DLG2: variants seen among roughly 807,000 people sequenced by gnomAD.
DLG2 encodes the protein discs large MAGUK scaffold protein 2.
A neutral mutation model predicts 132.5 loss-of-function variants in DLG2; 45 were observed. The observed-to-expected ratio is 0.34, with a 90% CI of 0.27 to 0.44. The LOEUF (loss-of-function observed/expected upper bound fraction) is 0.44, where lower values mean the gene tolerates loss of function less well. Among genes scored for constraint, DLG2 ranks in the 20% least tolerant of loss-of-function variants. The probability of loss-of-function intolerance (pLI) is 1.00; values close to 1 mark genes in which losing one functional copy is unlikely to be tolerated. For missense variants in DLG2, 1,045 were observed against 1,196.9 expected, an observed-to-expected ratio of 0.87 and a Z score of 1.87; for synonymous variants, 424 against 419.6, an observed-to-expected ratio of 1.01 and a Z score of -0.13.
chr11:83,601,507 G>GTTTTTT (rs1365389170), intron 19 of DLG2, among the ~76,000 whole-genome samples: 11 of 51,382 alleles, frequency 2.1e-4, no homozygotes, highest in South Asian at 7.9e-4. Flanking sequence ...AATATGTGAT[G>GTTTTTT]TTCTTTTTTT....
At chr11:85,531,225 T>C (rs2075184918) in intron 3 of DLG2, among the ~76,000 whole-genome samples, 1 of 152,230 alleles carries the variant, frequency 6.6e-6, no homozygotes. Flanking sequence ...ATGAGTGTTG[T>C]TATTCCCTTA....
intron 6 of DLG2, among the ~76,000 whole-genome samples, chr11:84,757,229 T>C (rs1044871079): frequency 1.1e-4 from 16 of 152,086 alleles, no homozygotes; most frequent in African/African-American, 2.2e-4. Context: ...CTACAAAGTA[T>C]TGAAAATGAA....
chr11:85,571,267 T>C (rs1411996378), intron 3 of DLG2, among the ~76,000 whole-genome samples: 1 of 152,192 alleles, frequency 6.6e-6, no homozygotes. Context: ...GGATTTGTTG[T>C]TTCAGGATGT....
At chr11:83,706,248 A>C (rs2083967293) in intron 18 of DLG2, among the ~76,000 whole-genome samples, 1 of 152,004 alleles carries the variant, frequency 6.6e-6, no homozygotes, top group African/African-American at 2.4e-5. Flanking sequence ...AAAACCAACA[A>C]AATTTTTACT....
intron 6 of DLG2, among the ~76,000 whole-genome samples, chr11:84,620,423 T>C (rs2099611855): frequency 6.6e-6 from 1 of 151,926 alleles, no homozygotes; most frequent in African/African-American, 2.4e-5. Flanking sequence ...AAAGAAAGAA[T>C]AATTTTGATC....
chr11:84,643,720 T>C (rs1236191484), intron 6 of DLG2, among the ~76,000 whole-genome samples: 1 of 152,184 alleles, frequency 6.6e-6, no homozygotes, highest in East Asian at 1.9e-4. Context: ...AATAGGTGTA[T>C]AGGGCTTTTA....
At chr11:85,242,445 C>G (rs1317196227) in intron 4 of DLG2, among the ~76,000 whole-genome samples, 3 of 151,758 alleles carry the variant, frequency 2.0e-5, no homozygotes, top group African/African-American at 7.2e-5. Context: ...ATTCTTACTT[C>G]TGTGGAATTT....
At chr11:84,406,041 C>T (rs2098847738) in intron 7 of DLG2, among the ~76,000 whole-genome samples, 1 of 152,142 alleles carries the variant, frequency 6.6e-6, no homozygotes, top group African/African-American at 2.4e-5. Flanking sequence ...CTCCCATCTT[C>T]CCTTCTTTTC....
chr11:85,191,145 C>T (rs994833508), intron 4 of DLG2, among the ~76,000 whole-genome samples: 11 of 138,338 alleles, frequency 8.0e-5, no homozygotes, highest in Admixed American at 5.8e-4. Flanking sequence ...TATATGCATG[C>T]GCGCGCGCGC....
At chr11:84,393,692 ATT>A (rs71986623) in intron 7 of DLG2, among the ~76,000 whole-genome samples, 8,432 of 151,594 alleles carry the variant, frequency 0.056, 754 homozygotes, top group African/African-American at 0.19. Flanking sequence ...TTTTGTGTTT[ATT>A]TTTTTCTTTC....
At chr11:84,615,803 T>A (rs886312437) in intron 6 of DLG2, among the ~76,000 whole-genome samples, 1 of 90,158 alleles carries the variant, frequency 1.1e-5, no homozygotes. Flanking sequence ...AGAGAAAATT[T>A]CAGGACAAAA....
intron 19 of DLG2, among the ~76,000 whole-genome samples, chr11:83,588,362 C>A (rs1409273267): frequency 2.0e-5 from 3 of 151,874 alleles, no homozygotes; most frequent in South Asian, 2.1e-4. Flanking sequence ...AGGCACCCCC[C>A]AGCAGGGGCA....
chr11:84,741,070 T>C (rs1250445013), intron 6 of DLG2, among the ~76,000 whole-genome samples: 2 of 138,888 alleles, frequency 1.4e-5, no homozygotes, highest in African/African-American at 5.3e-5. Flanking sequence ...TTTTTTTTTT[T>C]TTTTTTTTTT....
At chr11:85,085,238 T>C (rs1183730534) in intron 6 of DLG2, among the ~76,000 whole-genome samples, 12 of 152,178 alleles carry the variant, frequency 7.9e-5, no homozygotes. Context: ...CAATCCATAC[T>C]GTTATCCCAA....
intron 21 of DLG2, among the ~76,000 whole-genome samples, chr11:83,503,850 C>A (rs1737916185): frequency 6.6e-6 from 1 of 152,142 alleles, no homozygotes; most frequent in South Asian, 2.1e-4. Flanking sequence ...TTAACCATCA[C>A]AAGTCTACCC....
At chr11:83,461,926 G>T in intron 27 of DLG2, 76 bp downstream of exon 27, 1 of 985,922 alleles carries the variant, frequency 1.0e-6, no homozygotes, top group Non-Finnish European at 1.6e-6. Flanking sequence ...AGTACACCAG[G>T]CCCAGAACCC....
intron 17 of DLG2, among the ~76,000 whole-genome samples, chr11:83,832,415 G>A (rs1028826708): frequency 6.6e-6 from 1 of 152,070 alleles, no homozygotes; most frequent in African/African-American, 2.4e-5. Flanking sequence ...TCTCAGTAAA[G>A]TACCCTTGAA....
chr11:85,220,637 A>AAAATATATATATAT (rs371263007), intron 4 of DLG2, among the ~76,000 whole-genome samples: 1 of 148,262 alleles, frequency 6.7e-6, no homozygotes, highest in African/African-American at 2.5e-5. Context: ...TAGAAAAAAA[A>AAAATATATATATAT]ATATATATAT....
At chr11:84,348,223 C>A (rs1285512605) in intron 7 of DLG2, among the ~76,000 whole-genome samples, 3 of 152,072 alleles carry the variant, frequency 2.0e-5, no homozygotes, top group Non-Finnish European at 4.4e-5. Context: ...AAATTATTTT[C>A]TTTTCTAGTA....
Sources: allele counts gnomAD v4.1 joint callset (sites outside exome capture counted in the v4.1 genomes callset), GRCh38; gene constraint gnomAD v4.1.1; transcripts MANE v1.5; gene names NCBI Gene and HGNC (gene_info 2026-07-23, HGNC 2026-07-21).